Variants in CCNF observed in about 807,000 individuals in gnomAD.
The protein encoded by CCNF is cyclin-F.
In CCNF, 30 loss-of-function variants were observed where a neutral mutation model predicts 85.4. The observed-to-expected ratio is 0.35, with a 90% CI of 0.26 to 0.48. The LOEUF is 0.48. Among genes scored for constraint, CCNF ranks in the 20% least tolerant of loss-of-function variants. The probability of loss-of-function intolerance (pLI) is 0.99; values close to 1 mark genes in which losing one functional copy is unlikely to be tolerated. For synonymous variants in CCNF, 439 were observed against 425.1 expected (o/e 1.03, Z -0.40); for missense variants, 919 against 1,010.4 (o/e 0.91, Z 1.23).
chr16:2,445,682 C>A, intron 10 of CCNF, 60 bp downstream of exon 10: 4 of 1,477,100 alleles, frequency 2.7e-6, no homozygotes, highest in African/African-American at 1.4e-5. Context: ...GGTTCAGGGT[C>A]ACCTGCCCTT....
At chr16:2,449,180 C>G (rs761997311) in intron 11 of CCNF, 102 bp from the exon 12 acceptor site, 1 of 1,480,760 alleles carries the variant, frequency 6.8e-7, no homozygotes, top group African/African-American at 1.4e-5. Context: ...GCAGCATCGG[C>G]GTGAACATCA....
At chr16:2,435,905 T>C (rs2141816664) in intron 4 of CCNF, 32 bp downstream of exon 4, 1 of 1,508,576 alleles carries the variant, frequency 6.6e-7, no homozygotes, top group African/African-American at 1.4e-5. Context: ...ATGTTGGCGC[T>C]TCAGATAAGT....
Position 2,431,210 on chromosome 16 carries a change from T to C in CCNF, c.97T>C (p.Leu33=). ...GAGGAGGCCCCGAAACCTGACCATC[T>C]TGAGTCTCCCCGAAGATGTGCTCTT... ...IRRRPRNLTI[L]SLPEDVLFHI... The change falls in exon 2 of 17, where the codon TTG becomes CTG. Residue 33 remains leucine, a synonymous_variant. Coordinates refer to ENST00000397066, the MANE Select transcript of CCNF (RefSeq NM_001761.3). 6.2e-7 allele frequency: 1 copy of C among 1,614,194 alleles called. No individual in the cohort carries two copies. Among genetic ancestry groups the C allele is most frequent in the Admixed American group, 1.7e-5 (1 of 60,016 alleles).
chr16:2,457,126 G>A lies in CCNF; in HGVS notation c.*106G>A, dbSNP rs970511532. On this transcript the variant is annotated 3_prime_UTR_variant, in exon 17 of 17. Transcript: ENST00000397066. The stretch of plus-strand genomic sequence containing the variant: ...CATAGACCATGGAGGCCTTTGCGCA[G>A]AGAGCAGAGAGGATGACTTGCGGCC... 1.4e-5 allele frequency: 11 copies of A among 804,178 alleles called. No individual in the cohort carries two copies. Among genetic ancestry groups the A allele is most frequent in the Non-Finnish European group, 1.9e-5 (10 of 521,778 alleles). 49.8% of individuals were successfully genotyped at this position (804,178 alleles called of 1,614,324 possible).
At chr16:2,431,696 AAAG>A (rs1319333369) in intron 2 of CCNF, among the ~76,000 whole-genome samples, 11 of 151,520 alleles carry the variant, frequency 7.3e-5, no homozygotes, top group Non-Finnish European at 1.2e-4. Flanking sequence ...AAAAAAAAAA[AAAG>A]GAGGGCAAAA....
chr16:2,433,806 G>A (rs1404636299), intron 3 of CCNF, among the ~76,000 whole-genome samples: 3 of 152,036 alleles, frequency 2.0e-5, no homozygotes, highest in Non-Finnish European at 1.5e-5. Flanking sequence ...GGATGGTCTC[G>A]ATCTCCTGAC....
At position 2,443,786 on chromosome 16, in the gene CCNF, C is replaced by T. The variant is rs1596922880; in HGVS notation, c.915C>T (p.Leu305=). 1 of 1,614,102 alleles carries T rather than the reference C, an allele frequency of 6.2e-7. No homozygotes were observed. Among genetic ancestry groups the T allele is most frequent in the East Asian group, 2.2e-5 (1 of 44,874 alleles). The change falls in exon 9 of 17, where the codon CTC becomes CTT. Residue 305 remains leucine (L), a synonymous_variant. Transcript: ENST00000397066. ...KQQVFSVQKG[L]NDTMRYILID... is the part of the protein sequence containing the mutation. ...AAGTCTTCTCCGTGCAGAAGGGACT[C>T]AATGACACAATGAGGTGAGGCATTC...
intron 1 of CCNF, 111 bp from the exon 2 acceptor site, chr16:2,431,019 A>G (rs768793571): frequency 1.8e-6 from 2 of 1,118,082 alleles, no homozygotes; most frequent in South Asian, 2.5e-5. Flanking sequence ...AGGGAATAGT[A>G]ACCATTAGAT....
chr16:2,435,425 T>TA (rs1366454695), intron 3 of CCNF, among the ~76,000 whole-genome samples: 1 of 10,806 alleles, frequency 9.3e-5, no homozygotes, highest in African/African-American at 3.4e-3. Flanking sequence ...AAAGAAAATA[T>TA]TTTTTTTTGA....
intron 8 of CCNF, among the ~76,000 whole-genome samples, chr16:2,441,811 C>G (rs2065322398): frequency 1.3e-5 from 2 of 150,218 alleles, no homozygotes; most frequent in African/African-American, 4.9e-5. Flanking sequence ...GCCACTGCAC[C>G]TGGCCAAAAA....
At chr16:2,431,537 G>A (rs921871492) in intron 2 of CCNF, among the ~76,000 whole-genome samples, 2 of 151,740 alleles carry the variant, frequency 1.3e-5, no homozygotes, top group African/African-American at 2.4e-5. Context: ...AAAATTAGCC[G>A]GGCGTGGTGT....
At chr16:2,435,920 GC>G (rs754701735) in intron 4 of CCNF, 47 bp downstream of exon 4, 3 of 1,414,996 alleles carry the variant, frequency 2.1e-6, no homozygotes, top group Non-Finnish European at 3.0e-6. Context: ...ATAAGTGTGA[GC>G]CTTTGGCCCT....
intron 6 of CCNF, among the ~76,000 whole-genome samples, chr16:2,438,443 C>T (rs764083211): frequency 2.6e-5 from 4 of 152,218 alleles, no homozygotes; most frequent in African/African-American, 4.8e-5. Flanking sequence ...GTGGACCTCT[C>T]TGCCTGGCCA....
At position 2,456,972 on chromosome 16, in the gene CCNF, C is replaced by T. The variant is rs2141834036; in HGVS notation, c.2313C>T (p.Cys771=). The change falls in exon 17 of 17, where the codon TGC becomes TGT. Residue 771 remains cysteine (C), a synonymous_variant. Coordinates refer to ENST00000397066, the MANE Select transcript of CCNF (RefSeq NM_001761.3). This position sits in a 1 kb window ranked among gnomAD's most constrained non-coding sequence, Gnocchi z 4.5. ...AACAGGTGAAGCGGATAAACCTATG[C>T]ATACACAGTGAGGAGGAGGACATGA... ...PQQQVKRINL[C]IHSEEEDMNL... The T allele has an allele frequency of 6.2e-7, 1 of 1,608,692 alleles. No homozygotes were observed. The highest frequency in any genetic ancestry group is 1.1e-5 in the South Asian group (1 of 90,160).
intron 10 of CCNF, 36 bp from the exon 11 acceptor site, chr16:2,448,819 T>C (rs2065375661): frequency 6.2e-7 from 1 of 1,602,688 alleles, no homozygotes; most frequent in Non-Finnish European, 8.5e-7. Flanking sequence ...CCCCAGGAAG[T>C]GGGCTCCACC....
chr16:2,447,168 A>G (rs1180713758), intron 10 of CCNF, among the ~76,000 whole-genome samples: 1 of 152,138 alleles, frequency 6.6e-6, no homozygotes, highest in African/African-American at 2.4e-5. Flanking sequence ...AACTGCTAAA[A>G]ACGTTTCAGG....
chr16:2,434,789 A>G (rs899782555), intron 3 of CCNF, among the ~76,000 whole-genome samples: 4 of 152,244 alleles, frequency 2.6e-5, no homozygotes, highest in Non-Finnish European at 5.9e-5. Context: ...GAAACTCTAG[A>G]CAACCCCTAA....
chr16:2,431,697 A>C (rs1337742233), intron 2 of CCNF, among the ~76,000 whole-genome samples: 3 of 151,020 alleles, frequency 2.0e-5, no homozygotes, highest in African/African-American at 7.3e-5. Context: ...AAAAAAAAAA[A>C]AGGAGGGCAA....
chr16:2,442,943 T>TA (rs1567386564), intron 8 of CCNF, among the ~76,000 whole-genome samples: 52 of 63,704 alleles, frequency 8.2e-4, no homozygotes, highest in African/African-American at 2.3e-3. Flanking sequence ...TTATTATATA[T>TA]TATTATATTA....
Sources: gnomAD v4.1 joint callset for allele counts (sites outside exome capture counted in the v4.1 genomes callset) on GRCh38, gnomAD v4.1.1 for gene constraint, Gnocchi (gnomAD v3.1) non-coding constraint, MANE v1.5 for transcripts, NCBI Gene and HGNC (gene_info 2026-07-23, HGNC 2026-07-21) for gene names.